SETBP1: variants seen among roughly 807,000 people sequenced by gnomAD.
The protein encoded by SETBP1 is SET binding protein 1.
A neutral mutation model predicts 101.0 loss-of-function variants in SETBP1; 9 were observed. The observed-to-expected ratio is 0.09, with a 90% CI of 0.05 to 0.16. The LOEUF is 0.16. Ranked by LOEUF, SETBP1 falls within the 10% of genes least tolerant of loss-of-function variation. The pLI, the probability that SETBP1 is intolerant of heterozygous loss-of-function variation, is 1.00. For synonymous variants in SETBP1, 818 were observed against 788.5 expected (o/e 1.04, Z -0.63); for missense variants, 1,858 against 2,033.8 (o/e 0.91, Z 1.66).
At chr18:44,884,089 C>T (rs566325495) in intron 3 of SETBP1, among the ~76,000 whole-genome samples, 1 of 152,216 alleles carries the variant, frequency 6.6e-6, no homozygotes, top group African/African-American at 2.4e-5. Flanking sequence ...TAGTTAGCAC[C>T]CCATCTCTGG....
rs571221177 is a variant in SETBP1, at chr18:44,813,041, G to A, written c.487-56189G>A. The stretch of plus-strand genomic sequence containing the variant: ...TTGTCCACAGAACAGAGAGGATACA[G>A]GATGTAAAAAGGTAAAAAGGAATGA... On this transcript the variant is annotated intron_variant, in intron 2 of 5. Coordinates refer to ENST00000649279, the MANE Select transcript of SETBP1 (RefSeq NM_015559.3). 9.9e-5 allele frequency among the ~76,000 whole-genome samples: 15 copies of A among 151,838 alleles called. No individual in the cohort carries two copies. The South Asian group carries it at 1.0e-3, about 11-fold the overall frequency.
chr18:45,029,918 A>G lies in SETBP1; in HGVS notation c.4001-8567A>G, dbSNP rs558980687. 4.6e-5 allele frequency among the ~76,000 whole-genome samples: 7 copies of G among 151,482 alleles called. No homozygotes were observed. In the East Asian group the frequency reaches 7.8e-4, roughly 17 times the overall value. On this transcript the variant is annotated intron_variant, in intron 4 of 5. Transcript: ENST00000649279. ...GCTTAAGGAGATTTTGGGCTGAGAC[A>G]ATGGGGTTTTCTAGATATACAATCA...
intron 4 of SETBP1, among the ~76,000 whole-genome samples, chr18:44,960,049 T>G (rs1004327519): frequency 6.6e-6 from 1 of 152,060 alleles, no homozygotes; most frequent in African/African-American, 2.4e-5. Context: ...TAGGACTAGG[T>G]GCAAGCCCAG....
At chr18:44,735,447 T>C (rs1028364583) in intron 2 of SETBP1, among the ~76,000 whole-genome samples, 4 of 152,204 alleles carry the variant, frequency 2.6e-5, no homozygotes, top group African/African-American at 7.2e-5. Context: ...GTTCTTTGAT[T>C]CTATTATTTA....
chr18:44,854,100 C>T (rs537873705), intron 2 of SETBP1, among the ~76,000 whole-genome samples: 51 of 152,260 alleles, frequency 3.3e-4, no homozygotes, highest in African/African-American at 1.2e-3. Flanking sequence ...CCCTAATAGA[C>T]TCTTGGGTTC....
At chr18:44,930,066 G>A (rs2070793231) in intron 3 of SETBP1, among the ~76,000 whole-genome samples, 1 of 152,180 alleles carries the variant, frequency 6.6e-6, no homozygotes, top group Non-Finnish European at 1.5e-5. Context: ...GATATTGGCT[G>A]TGGATTTATC....
intron 3 of SETBP1, among the ~76,000 whole-genome samples, chr18:44,930,467 G>T (rs1328909232): frequency 1.3e-5 from 2 of 152,142 alleles, no homozygotes; most frequent in Non-Finnish European, 2.9e-5. Flanking sequence ...AATTAGGAAG[G>T]ATTCACTCTT....
intron 1 of SETBP1, among the ~76,000 whole-genome samples, chr18:44,692,032 A>G (rs2068943516): frequency 6.6e-6 from 1 of 152,200 alleles, no homozygotes; most frequent in South Asian, 2.1e-4. Flanking sequence ...TAATCAAACA[A>G]CAGCTAAATG....
At chr18:45,026,818 G>A (rs75263898) in intron 4 of SETBP1, among the ~76,000 whole-genome samples, 7,009 of 152,178 alleles carry the variant, frequency 0.046, 195 homozygotes, top group South Asian at 0.11. Context: ...GTGTGCATGC[G>A]CGTGTACACA....
At position 45,059,857 on chromosome 18, in the gene SETBP1, T is replaced by C. The variant is rs370756584; in HGVS notation, c.4172-3222T>C. ...CTTAATAAAACTCTATGAGGTTGCC[T>C]TGGGGGGAAGTAGATGTTGAGTAGT... is the stretch of plus-strand genomic sequence containing the variant. On this transcript the variant is annotated intron_variant, in intron 5 of 5. Coordinates refer to ENST00000649279, the MANE Select transcript of SETBP1 (RefSeq NM_015559.3). Among the ~76,000 whole-genome samples the C allele has an allele frequency of 1.1e-4, 16 of 152,112 alleles. 1 individual carries two copies. Among genetic ancestry groups the C allele is most frequent in the African/African-American group, 3.9e-4 (16 of 41,426 alleles).
At position 44,951,391 on chromosome 18, in the gene SETBP1, G is replaced by A. The variant is rs1156289049; in HGVS notation, c.2051G>A (p.Cys684Tyr). The A allele has an allele frequency of 1.9e-6, 3 of 1,614,152 alleles. No homozygotes were observed. The highest frequency in any genetic ancestry group is 2.2e-5 in the East Asian group (1 of 44,860). Residue 684 changes from cysteine to tyrosine, a missense_variant, in exon 4 of 6, where the codon TGT (cysteine) becomes TAT (tyrosine). Physicochemically the swap from Cys to Tyr is radical, Grantham distance 194. This residue lies in a region of SETBP1 where 111 missense variants were observed against 119.3 expected (regional missense o/e 0.93). Coordinates refer to ENST00000649279, the MANE Select transcript of SETBP1 (RefSeq NM_015559.3). The surrounding 1 kb of genome is among the most constrained non-coding windows in gnomAD (Gnocchi z 7.8). ...RKNILNQILS[C>Y]SSSVALKAKA... ...AACATCTTGAATCAGATCTTGTCCT[G>A]TTCCAGCAGCGTTGCTCTGAAGGCA...
At position 44,732,332 on chromosome 18, in the gene SETBP1, C is replaced by A. The variant is rs961207050; in HGVS notation, c.486+30500C>A. On this transcript the variant is annotated intron_variant, in intron 2 of 5. Coordinates refer to ENST00000649279, the MANE Select transcript of SETBP1 (RefSeq NM_015559.3). ...TAACATGCTACGACTTGACTGCAGA[C>A]GCCCTAAACCCCTGATGTCTTCTGC... Among the ~76,000 whole-genome samples the A allele has an allele frequency of 5.3e-5, 8 of 152,304 alleles. No individual in the cohort carries two copies. The East Asian group carries it at 1.5e-3, about 29-fold the overall frequency.
At chr18:44,914,238 T>C (rs1028789924) in intron 3 of SETBP1, among the ~76,000 whole-genome samples, 1 of 152,208 alleles carries the variant, frequency 6.6e-6, no homozygotes, top group Admixed American at 6.5e-5. Context: ...TGGGAATATG[T>C]GTCATTGAGA....
At chr18:44,863,589 A>C (rs2069063313) in intron 2 of SETBP1, among the ~76,000 whole-genome samples, 1 of 152,224 alleles carries the variant, frequency 6.6e-6, no homozygotes, top group African/African-American at 2.4e-5. Context: ...TTACGAAATA[A>C]AGAGGGAGAA....
chr18:44,916,610 GC>G (rs2070433280), intron 3 of SETBP1, among the ~76,000 whole-genome samples: 1 of 152,176 alleles, frequency 6.6e-6, no homozygotes, highest in South Asian at 2.1e-4. Context: ...AACTGTTGTT[GC>G]CCTATTTGGT....
chr18:44,996,811 A>G lies in SETBP1; in HGVS notation c.4001-41674A>G, dbSNP rs566471357. Among the ~76,000 whole-genome samples, 7 of 152,334 alleles carry G rather than the reference A, an allele frequency of 4.6e-5. No homozygotes were observed. In the South Asian group the frequency reaches 1.5e-3, roughly 32 times the overall value. ...TTTCCAGCCCACAGAGCACTGGATT[A>G]AGGCAGAGGCAAGGGAGAAGACAAA... is the stretch of plus-strand genomic sequence containing the variant. On this transcript the variant is annotated intron_variant, in intron 4 of 5. Coordinates refer to ENST00000649279, the MANE Select transcript of SETBP1 (RefSeq NM_015559.3).
chr18:44,768,506 C>G (rs539453037), intron 2 of SETBP1, among the ~76,000 whole-genome samples: 6 of 152,206 alleles, frequency 3.9e-5, no homozygotes, highest in Non-Finnish European at 5.9e-5. Flanking sequence ...TGTTTCTCTA[C>G]TTTTGGAGGA....
chr18:44,757,124 A>T (rs971891732), intron 2 of SETBP1, among the ~76,000 whole-genome samples: 1 of 152,092 alleles, frequency 6.6e-6, no homozygotes, highest in African/African-American at 2.4e-5. Context: ...TGTTAGGATG[A>T]GCCCCTATGA....
At chr18:44,776,050 TCTC>T (rs1397771634) in intron 2 of SETBP1, among the ~76,000 whole-genome samples, 4 of 152,194 alleles carry the variant, frequency 2.6e-5, no homozygotes, top group African/African-American at 9.7e-5. Flanking sequence ...TTCTCTCTCA[TCTC>T]CTATGAAGTC....
Sources: allele counts gnomAD v4.1 joint callset (sites outside exome capture counted in the v4.1 genomes callset), GRCh38; gene constraint gnomAD v4.1.1; regional missense constraint gnomAD v4.1.1; non-coding constraint Gnocchi (gnomAD v3.1); transcripts MANE v1.5; gene names NCBI Gene and HGNC (gene_info 2026-07-23, HGNC 2026-07-21).